Variants in NF1 observed in about 807,000 individuals in gnomAD.
NF1 encodes the protein neurofibromin 1.
NF1 carries 122 observed loss-of-function variants against 325.7 expected under a neutral mutation model. The ratio of observed to expected loss-of-function variants is 0.37; its 90% CI spans 0.32 to 0.44. The LOEUF is 0.44. Ranked by LOEUF, NF1 falls within the 20% of genes least tolerant of loss-of-function variation. The pLI is 1.00. For missense variants in NF1, 2,140 were observed against 3,415.4 expected (o/e 0.63, Z 9.31); for synonymous variants, 1,091 against 1,186.0 (o/e 0.92, Z 1.65).
rs2068447420 is a variant in NF1 at position 31,295,629 on chromosome 17, T to C, written c.4836-30191T>C. 3 of 1,613,992 alleles carry C rather than the reference T, an allele frequency of 1.9e-6. No individual in the cohort carries two copies. On this transcript the variant is annotated intron_variant, in intron 36 of 57. Transcript: ENST00000358273. ...ATCATCCACTTCAGTAAGTAAGTAA[T>C]GTTTTGTTTGTGGTCACATGACCAC...
chr17:31,175,328 A>G (rs545547599), intron 5 of NF1, among the ~76,000 whole-genome samples: 1 of 148,672 alleles, frequency 6.7e-6, no homozygotes, highest in East Asian at 2.0e-4. Context: ...AATTTCCCAT[A>G]AACACCTGTG....
At chr17:31,352,192 G>A (rs2151576685) in intron 50 of NF1, 65 bp from the exon 51 acceptor site, 2 of 1,501,204 alleles carry the variant, frequency 1.3e-6, no homozygotes, top group Admixed American at 1.7e-5. Flanking sequence ...CACTTGGAAG[G>A]AGCAAACGAT....
At chr17:31,291,864 C>T (rs2068349714) in intron 36 of NF1, among the ~76,000 whole-genome samples, 1 of 152,206 alleles carries the variant, frequency 6.6e-6, no homozygotes, top group South Asian at 2.1e-4. Context: ...AAAGCAAGCA[C>T]ATCCTTTCAT....
At chr17:31,109,589 G>A (rs1278711782) in intron 1 of NF1, among the ~76,000 whole-genome samples, 1 of 152,028 alleles carries the variant, frequency 6.6e-6, no homozygotes, top group African/African-American at 2.4e-5. Context: ...TCACTGTGTT[G>A]TCCAGGCTGG....
Position 31,341,656 on chromosome 17 carries a change from A to G in NF1, c.7062+1011A>G, listed in dbSNP as rs1232117375. The stretch of plus-strand genomic sequence containing the variant: ...AATATGTAAAATCCAACTCCAATTA[A>G]GGTTAATAAATGTTAGGAGGGGTGC... On this transcript the variant is annotated intron_variant, in intron 47 of 57. Transcript: ENST00000358273. Among the ~76,000 whole-genome samples the G allele has an allele frequency of 2.0e-5, 3 of 148,676 alleles. No homozygotes were observed. In the Admixed American group the frequency reaches 2.0e-4, roughly 10 times the overall value.
At chr17:31,319,101 A>G in intron 36 of NF1, 1 of 1,432,278 alleles carries the variant, frequency 7.0e-7, no homozygotes, top group Non-Finnish European at 9.4e-7. Context: ...GTTAAAAGAT[A>G]GTGTTGAGAT....
chr17:31,142,335 GA>G (rs1916277465), intron 1 of NF1, among the ~76,000 whole-genome samples: 1 of 152,106 alleles, frequency 6.6e-6, no homozygotes, highest in Admixed American at 6.6e-5. Context: ...TCAATTGTGT[GA>G]AAGTAATGTA....
intron 36 of NF1, among the ~76,000 whole-genome samples, chr17:31,322,420 C>T (rs1017518475): frequency 1.5e-5 from 2 of 135,936 alleles, no homozygotes; most frequent in Non-Finnish European, 3.1e-5. Context: ...GTGGAGGCTG[C>T]AGAGATCATG....
intron 36 of NF1, among the ~76,000 whole-genome samples, chr17:31,288,390 G>A (rs2068280018): frequency 6.6e-6 from 1 of 151,940 alleles, no homozygotes; most frequent in Admixed American, 6.6e-5. Flanking sequence ...CATGACATTT[G>A]TTTCTACTTC....
chr17:31,186,765 A>G (rs1597664968), intron 8 of NF1, among the ~76,000 whole-genome samples: 1 of 152,300 alleles, frequency 6.6e-6, no homozygotes, highest in African/African-American at 2.4e-5. Context: ...TCCTCGCCCA[A>G]TGGGCCCATG....
chr17:31,368,943 G>A (rs1371912094), intron 57 of NF1, among the ~76,000 whole-genome samples: 1 of 152,152 alleles, frequency 6.6e-6, no homozygotes, highest in Non-Finnish European at 1.5e-5. Flanking sequence ...TAAACTAAAT[G>A]CAGAGTAAGG....
intron 36 of NF1, among the ~76,000 whole-genome samples, chr17:31,316,236 A>G (rs138784286): frequency 1.2e-3 from 182 of 152,310 alleles, no homozygotes; most frequent in African/African-American, 4.1e-3. Flanking sequence ...ACCCAGGGGT[A>G]GGGAATGTGT....
chr17:31,295,409 C>T lies in NF1; in HGVS notation c.4835+30070C>T, dbSNP rs143896440. The T allele has an allele frequency of 5.9e-5, 96 of 1,613,810 alleles. 1 individual carries two copies. Among genetic ancestry groups the T allele is most frequent in the African/African-American group, 1.6e-4 (12 of 74,852 alleles). ...GGCACCAAACGTTGTTTCCTTTGTT[C>T]GATATTGTTTGGGTATTTTGGTCAC... On this transcript the variant is annotated intron_variant, in intron 36 of 57. Coordinates refer to ENST00000358273, the MANE Select transcript of NF1 (RefSeq NM_001042492.3).
chr17:31,144,534 A>G (rs894740946), intron 1 of NF1, among the ~76,000 whole-genome samples: 8 of 152,118 alleles, frequency 5.3e-5, no homozygotes, highest in Non-Finnish European at 2.9e-5. Context: ...CTTCTGTTCC[A>G]TATTGTGTTG....
Position 31,323,270 on chromosome 17 carries a change from G to A in NF1, c.4836-2550G>A, listed in dbSNP as rs73275695. Among the ~76,000 whole-genome samples the A allele has an allele frequency of 1.3e-3, 201 of 152,046 alleles. 1 individual carries two copies. Among genetic ancestry groups the A allele is most frequent in the African/African-American group, 4.2e-3 (176 of 41,488 alleles). On this transcript the variant is annotated intron_variant, in intron 36 of 57. Coordinates refer to ENST00000358273, the MANE Select transcript of NF1 (RefSeq NM_001042492.3). ...AAAAAACAAAAACAAAAAACTAGCC[G>A]GGCATGGTGGCGCTTATCTGTAGTC... is the stretch of plus-strand genomic sequence containing the variant.
intron 36 of NF1, among the ~76,000 whole-genome samples, chr17:31,324,903 A>G (rs1235078053): frequency 6.6e-6 from 1 of 152,160 alleles, no homozygotes; most frequent in East Asian, 1.9e-4. Context: ...TCTGAGGTAA[A>G]GATTTATTTT....
In NF1 at chr17:31,259,059, C is replaced by G. The variant is rs1408832954; in HGVS notation, c.4360C>G (p.Leu1454Val). ...ACTTCAGAGTATTGCCAATCATGTT[C>G]TCTTCACAAAAGAAGAACATATGCG... ...KILQSIANHV[L>V]FTKEEHMRPF... is the part of the protein sequence containing the mutation. Residue 1454 changes from leucine to valine, a missense_variant, in exon 33 of 58, where the codon CTC becomes GTC. Transcript: ENST00000358273. 6.2e-7 allele frequency: 1 copy of G among 1,602,654 alleles called. No homozygotes were observed. The highest frequency in any genetic ancestry group is 8.5e-7 in the Non-Finnish European group (1 of 1,173,108).
chr17:31,168,106 T>A (rs1228709377), intron 4 of NF1, among the ~76,000 whole-genome samples: 1 of 152,208 alleles, frequency 6.6e-6, no homozygotes. Flanking sequence ...ATTCAAATTA[T>A]ACTTTTACTT....
chr17:31,274,928 T>C (rs1156923179), intron 36 of NF1, among the ~76,000 whole-genome samples: 1 of 152,212 alleles, frequency 6.6e-6, no homozygotes, highest in African/African-American at 2.4e-5. Context: ...TATCTAGATA[T>C]ATTCTTCTCA....
Sources: gnomAD v4.1 joint callset for allele counts (sites outside exome capture counted in the v4.1 genomes callset) on GRCh38, gnomAD v4.1.1 for gene constraint, MANE v1.5 for transcripts, NCBI Gene and HGNC (gene_info 2026-07-23, HGNC 2026-07-21) for gene names.